Variants in DNAH9 observed in about 807,000 individuals in gnomAD.
DNAH9 encodes the protein DNAH9 variant protein.
A neutral mutation model predicts 471.6 loss-of-function variants in DNAH9; 345 were observed. The ratio of observed to expected loss-of-function variants is 0.73; its 90% CI spans 0.67 to 0.80. The LOEUF (loss-of-function observed/expected upper bound fraction) is 0.80, where lower values mean the gene tolerates loss of function less well. Ranked by LOEUF, DNAH9 falls within the 30% of genes least tolerant of loss-of-function variation. The probability of loss-of-function intolerance (pLI) is 0.00; values close to 1 mark genes in which losing one functional copy is unlikely to be tolerated. For synonymous variants in DNAH9, 2,093 were observed against 2,123.6 expected (o/e 0.99, Z 0.40); for missense variants, 5,407 against 5,609.2 (o/e 0.96, Z 1.15).
intron 38 of DNAH9, among the ~76,000 whole-genome samples, chr17:11,779,073 T>C (rs1446229562): frequency 6.6e-6 from 1 of 152,104 alleles, no homozygotes; most frequent in East Asian, 1.9e-4. Context: ...ATCCAGAGAA[T>C]GGCCATTCAC....
At chr17:11,774,017 T>C (rs1265673599) in intron 38 of DNAH9, among the ~76,000 whole-genome samples, 3 of 151,712 alleles carry the variant, frequency 2.0e-5, no homozygotes, top group Non-Finnish European at 4.4e-5. Context: ...GTGCCTGTAG[T>C]CCCAGCTACT....
At chr17:11,909,687 A>G (rs1441100656) in intron 61 of DNAH9, among the ~76,000 whole-genome samples, 1 of 152,176 alleles carries the variant, frequency 6.6e-6, no homozygotes, top group Non-Finnish European at 1.5e-5. Flanking sequence ...CCACAGGTAC[A>G]GATGAGACAC....
At chr17:11,716,082 CTTTTTTTTTT>C (rs61643065) in intron 26 of DNAH9, among the ~76,000 whole-genome samples, 1 of 132,474 alleles carries the variant, frequency 7.5e-6, no homozygotes, top group Non-Finnish European at 1.6e-5. Flanking sequence ...TTTTCTTTCT[CTTTTTTTTTT>C]TTTTTTTTTG....
At position 11,793,493 on chromosome 17, in the gene DNAH9, C is replaced by T. The variant is rs1325673608; in HGVS notation, c.8062-10C>T. ...TTAACGTTATTTTTTTGTGTCTGTT[C>T]CCCTTGAAGGGCATTCTCTTCTCCT... On this transcript the variant is annotated splice_polypyrimidine_tract_variant and intron_variant, in intron 41 of 68. Coordinates refer to ENST00000262442, the MANE Select transcript of DNAH9 (RefSeq NM_001372.4). 4.4e-6 allele frequency: 7 copies of T among 1,598,832 alleles called. No homozygotes were observed. The highest frequency in any genetic ancestry group is 3.6e-5 in the Admixed American group (2 of 55,788).
chr17:11,612,086 C>T (rs1319482060), intron 4 of DNAH9: 31 of 586,008 alleles, frequency 5.3e-5, no homozygotes, highest in Non-Finnish European at 3.9e-5. Flanking sequence ...TGAGATTATA[C>T]AGGTGGAAGA....
chr17:11,681,629 T>C (rs1208617160), intron 19 of DNAH9, among the ~76,000 whole-genome samples: 1 of 152,224 alleles, frequency 6.6e-6, no homozygotes, highest in Admixed American at 6.5e-5. Flanking sequence ...TCCTGTTTCC[T>C]TGAGCTTCCT....
At chr17:11,802,142 C>T (rs966756609) in intron 43 of DNAH9, among the ~76,000 whole-genome samples, 4 of 152,202 alleles carry the variant, frequency 2.6e-5, no homozygotes, top group Admixed American at 2.6e-4. Context: ...TCCCTCCCTT[C>T]CCTGGGGCTC....
chr17:11,915,261 C>CA (rs1446211894), intron 61 of DNAH9, among the ~76,000 whole-genome samples: 1 of 152,086 alleles, frequency 6.6e-6, no homozygotes, highest in Non-Finnish European at 1.5e-5. Flanking sequence ...TGCAGTGGCT[C>CA]ACGCCTGTAA....
At chr17:11,671,652 A>G (rs2073974467) in intron 17 of DNAH9, among the ~76,000 whole-genome samples, 1 of 152,194 alleles carries the variant, frequency 6.6e-6, no homozygotes, top group African/African-American at 2.4e-5. Context: ...GCATATGGAA[A>G]GTGTGCTCAC....
chr17:11,788,008 G>A (rs1268468175), intron 41 of DNAH9, among the ~76,000 whole-genome samples: 1 of 152,122 alleles, frequency 6.6e-6, no homozygotes, highest in Non-Finnish European at 1.5e-5. Flanking sequence ...CATGCTCTGA[G>A]TAGCAGAAAT....
chr17:11,911,090 C>G (rs767353984), intron 61 of DNAH9, among the ~76,000 whole-genome samples: 10 of 152,206 alleles, frequency 6.6e-5, no homozygotes, highest in Middle Eastern at 3.4e-3. Context: ...TATTTTAATA[C>G]TATATTTATA....
At chr17:11,931,761 T>C (rs16945478) in intron 63 of DNAH9, among the ~76,000 whole-genome samples, 2,462 of 152,246 alleles carry the variant, frequency 0.016, 64 homozygotes, top group African/African-American at 0.055. Flanking sequence ...TGAACTTTAT[T>C]AGCACATCCG....
At chr17:11,845,226 A>G (rs1597726496) in intron 49 of DNAH9, among the ~76,000 whole-genome samples, 2 of 118,282 alleles carry the variant, frequency 1.7e-5, no homozygotes, top group East Asian at 2.4e-4. Context: ...TCATTGTTCA[A>G]TTCCCACCTA....
Position 11,719,565 on chromosome 17 carries a change from C to T in DNAH9, c.5709+75C>T, listed in dbSNP as rs944955195. 7.8e-6 allele frequency: 11 copies of T among 1,408,384 alleles called. No homozygotes were observed. The African/African-American group carries it at 1.1e-4, about 14-fold the overall frequency. The allele number at this position is 1,408,384 out of a possible 1,614,324, so 87.2% of individuals were successfully genotyped here. A position where few individuals can be genotyped will look rare whatever the true frequency, so the allele number is the denominator to read the frequency against. On this transcript the variant is annotated intron_variant, in intron 27 of 68. Transcript: ENST00000262442. ...AGGGCACCAAATCAAGGCTAAGACG[C>T]ATCCGTGCCACCCTGACCCAGCTTC...
intron 30 of DNAH9, among the ~76,000 whole-genome samples, chr17:11,744,412 C>T (rs1417248695): frequency 1.3e-5 from 2 of 152,162 alleles, no homozygotes; most frequent in African/African-American, 4.8e-5. Flanking sequence ...AATGTGAAGG[C>T]CTCCAAGGTG....
intron 41 of DNAH9, among the ~76,000 whole-genome samples, chr17:11,788,253 C>T (rs186941618): frequency 2.9e-4 from 44 of 152,192 alleles, no homozygotes; most frequent in African/African-American, 1.1e-3. Context: ...ATGGCAGGTA[C>T]CTAGGAGAGC....
intron 7 of DNAH9, chr17:11,630,647 TGGCAC>T (rs1394727011): frequency 1.4e-4 from 22 of 152,280 alleles, no homozygotes; most frequent in African/African-American, 5.1e-4. Flanking sequence ...CAAACCACCG[TGGCAC>T]ATGTATACCT....
intron 17 of DNAH9, among the ~76,000 whole-genome samples, chr17:11,677,970 G>T (rs950977501): frequency 6.6e-6 from 1 of 151,678 alleles, no homozygotes; most frequent in Admixed American, 6.6e-5. Flanking sequence ...TAGTAATTTA[G>T]ATTGCTCTCT....
chr17:11,611,021 G>A (rs2072623012), intron 3 of DNAH9, among the ~76,000 whole-genome samples: 1 of 150,112 alleles, frequency 6.7e-6, no homozygotes, highest in African/African-American at 2.5e-5. Context: ...ATCTTCCAGG[G>A]TGTTTGTCCA....
Sources: allele counts gnomAD v4.1 joint callset (sites outside exome capture counted in the v4.1 genomes callset), GRCh38; gene constraint gnomAD v4.1.1; transcripts MANE v1.5; gene names NCBI Gene and HGNC (gene_info 2026-07-23, HGNC 2026-07-21).